The following CPLX1 variants were observed in gnomAD, a reference collection of about 807,000 sequenced individuals.
The protein encoded by CPLX1 is complexin 1.
In CPLX1, 6 loss-of-function variants were observed where a neutral mutation model predicts 15.6. The observed-to-expected ratio is 0.39, with a 90% CI of 0.21 to 0.76. CPLX1 has a LOEUF of 0.76. CPLX1 is among the 30% of genes least tolerant of loss of function. The pLI, the probability that CPLX1 is intolerant of heterozygous loss-of-function variation, is 0.43. For missense variants in CPLX1, 242 were observed against 188.6 expected, an observed-to-expected ratio of 1.28 and a Z score of -1.66; for synonymous variants, 91 against 75.2, an observed-to-expected ratio of 1.21 and a Z score of -1.08.
At chr4:788,439 C>T (rs1457742195) in intron 3 of CPLX1, 16 of 985,372 alleles carry the variant, frequency 1.6e-5, no homozygotes, top group Non-Finnish European at 1.6e-5. Flanking sequence ...GAGAGAGGGG[C>T]CGTGGGCTCG....
chr4:808,711 C>T (rs1345691242), intron 2 of CPLX1, among the ~76,000 whole-genome samples: 1 of 152,234 alleles, frequency 6.6e-6, no homozygotes, highest in African/African-American at 2.4e-5. Context: ...GAACTAGCCA[C>T]ACCCAGACAG....
At chr4:822,132 A>T (rs1234978480) in intron 2 of CPLX1, among the ~76,000 whole-genome samples, 1 of 119,736 alleles carries the variant, frequency 8.4e-6, no homozygotes, top group African/African-American at 3.3e-5. Flanking sequence ...TCTCCCTCTC[A>T]CCACTGTCTC....
intron 2 of CPLX1, among the ~76,000 whole-genome samples, chr4:816,692 C>A (rs914012085): frequency 3.0e-4 from 45 of 151,670 alleles, no homozygotes; most frequent in African/African-American, 1.0e-3. Context: ...TGTGGTGGTA[C>A]ACACCTATAG....
intron 2 of CPLX1, chr4:804,766 C>A: frequency 2.0e-6 from 2 of 985,438 alleles, no homozygotes; most frequent in Non-Finnish European, 2.4e-6. Context: ...CTTGCGGGGG[C>A]TCGGGAAGTG....
At chr4:812,231 C>T (rs547233322) in intron 2 of CPLX1, among the ~76,000 whole-genome samples, 6 of 152,050 alleles carry the variant, frequency 3.9e-5, no homozygotes, top group African/African-American at 1.2e-4. Flanking sequence ...CCCGCCACCA[C>T]GCCCCGCTAA....
chr4:805,011 C>G (rs1746529053), intron 2 of CPLX1: 1 of 857,812 alleles, frequency 1.2e-6, no homozygotes, highest in Non-Finnish European at 1.4e-6. Flanking sequence ...GAAACGTGCC[C>G]ACGCACGCTC....
intron 2 of CPLX1, among the ~76,000 whole-genome samples, chr4:809,184 C>T (rs1012702736): frequency 6.6e-6 from 1 of 152,248 alleles, no homozygotes; most frequent in Non-Finnish European, 1.5e-5. Context: ...CGCTGTGAAC[C>T]GTATCTTGCG....
At chr4:801,918 G>A (rs1746467692) in intron 2 of CPLX1, among the ~76,000 whole-genome samples, 1 of 152,226 alleles carries the variant, frequency 6.6e-6, no homozygotes, top group Admixed American at 6.5e-5. Context: ...TGTTGGCAAG[G>A]AACACTGGTG....
chr4:794,780 T>C (rs1236884024), intron 2 of CPLX1, among the ~76,000 whole-genome samples: 2 of 152,234 alleles, frequency 1.3e-5, no homozygotes, highest in African/African-American at 4.8e-5. Flanking sequence ...GCTCTCCTGA[T>C]GGAAGGGGTT....
chr4:810,006 C>T (rs938544535), intron 2 of CPLX1, among the ~76,000 whole-genome samples: 10 of 151,820 alleles, frequency 6.6e-5, no homozygotes, highest in Admixed American at 4.6e-4. Flanking sequence ...GTGTGTGAAC[C>T]GTGGGTTGTT....
chr4:810,746 G>A (rs1746653466), intron 2 of CPLX1, among the ~76,000 whole-genome samples: 1 of 151,196 alleles, frequency 6.6e-6, no homozygotes, highest in Non-Finnish European at 1.5e-5. Flanking sequence ...GCCCAGGCTG[G>A]AGTGCAATGG....
At chr4:787,215 T>C (rs887415438) in intron 3 of CPLX1, 4 of 985,270 alleles carry the variant, frequency 4.1e-6, no homozygotes, top group Admixed American at 6.1e-5. Context: ...GGCAGGCCGC[T>C]GCAGCTCCGT....
intron 2 of CPLX1, among the ~76,000 whole-genome samples, chr4:798,219 G>A (rs1265188442): frequency 2.1e-5 from 3 of 144,960 alleles, no homozygotes; most frequent in African/African-American, 7.9e-5. Context: ...AGGTTGCAGT[G>A]AGCCGAGATG....
In CPLX1 at chr4:785,673, G is replaced by C. The variant is rs1177525580; in HGVS notation, c.*828C>G. ...CCCACGGAGGAGGTGCTGGGCAGGG[G>C]CGCAGGGTCTCCAGCGTCCGGTGCC... is the stretch of plus-strand genomic sequence containing the variant. On this transcript the variant is annotated 3_prime_UTR_variant, in exon 4 of 4. Transcript: ENST00000304062. 1 of 152,558 alleles carries C rather than the reference G, an allele frequency of 6.6e-6. No individual in the cohort carries two copies. The highest frequency in any genetic ancestry group is 2.4e-5 in the African/African-American group (1 of 41,480). The allele number at this position is 152,558 out of a possible 1,614,324, so 9.5% of individuals were successfully genotyped here.
intron 2 of CPLX1, among the ~76,000 whole-genome samples, chr4:820,615 C>T (rs1016122908): frequency 6.6e-6 from 1 of 152,128 alleles, no homozygotes; most frequent in African/African-American, 2.4e-5. Context: ...CCTCCATCCC[C>T]GTGGAGGGCT....
rs371646161 is a variant in CPLX1 at position 822,391 on chromosome 4, A to G, written c.31+2101T>C. Among the ~76,000 whole-genome samples the G allele has an allele frequency of 8.5e-4, 104 of 122,526 alleles. 1 individual carries two copies. The highest frequency in any genetic ancestry group is 2.8e-3 in the African/African-American group (90 of 31,874). The allele number at this position is 122,526 out of a possible 152,430, so 80.4% of individuals were successfully genotyped here. A position where few individuals can be genotyped will look rare whatever the true frequency, so the allele number is the denominator to read the frequency against. Reference sequence around the variant, plus strand: ...TCCCTCTGTCTCTGTGTCTCCCTCTATCTCTGTCTCCGTCTCTCCCTCTTT... The same window carrying G: ...TCCCTCTGTCTCTGTGTCTCCCTCTGTCTCTGTCTCCGTCTCTCCCTCTTT... On this transcript the variant is annotated intron_variant, in intron 2 of 3. Transcript: ENST00000304062.
chr4:791,173 C>T (rs990262643), intron 3 of CPLX1, among the ~76,000 whole-genome samples: 1 of 84,744 alleles, frequency 1.2e-5, no homozygotes. Flanking sequence ...GGGTCAGCTG[C>T]GGGGCGGGGG....
chr4:796,743 C>T (rs1746349307), intron 2 of CPLX1, among the ~76,000 whole-genome samples: 1 of 152,162 alleles, frequency 6.6e-6, no homozygotes, highest in South Asian at 2.1e-4. Context: ...GTCCATCCTC[C>T]CCAAACTCCG....
intron 2 of CPLX1, among the ~76,000 whole-genome samples, chr4:818,797 T>C (rs1480854319): frequency 6.6e-6 from 1 of 152,236 alleles, no homozygotes; most frequent in Non-Finnish European, 1.5e-5. Flanking sequence ...GACCAGGTGC[T>C]GTATTGAAGA....
Sources: gnomAD v4.1 joint callset for allele counts (sites outside exome capture counted in the v4.1 genomes callset) on GRCh38, gnomAD v4.1.1 for gene constraint, MANE v1.5 for transcripts, NCBI Gene and HGNC (gene_info 2026-07-23, HGNC 2026-07-21) for gene names.